MTR: variants seen among roughly 807,000 people sequenced by gnomAD.
The protein encoded by MTR is 5-methyltetrahydrofolate-homocysteine methyltransferase.
A neutral mutation model predicts 154.8 loss-of-function variants in MTR; 84 were observed. The ratio of observed to expected loss-of-function variants is 0.54; its 90% CI spans 0.45 to 0.65. The LOEUF is 0.65. Among genes scored for constraint, MTR ranks in the 30% least tolerant of loss-of-function variants. The pLI is 0.00. For missense variants in MTR, 1,275 were observed against 1,570.2 expected (o/e 0.81, Z 3.18); for synonymous variants, 554 against 553.9 (o/e 1.00, Z 0.00).
Position 236,902,523 on chromosome 1 carries a change from G to A in MTR, c.*4879G>A, listed in dbSNP as rs1436866585. 6.6e-6 allele frequency: 1 copy of A among 152,250 alleles called. No individual in the cohort carries two copies. The highest frequency in any genetic ancestry group is 2.4e-5 in the African/African-American group (1 of 41,444). 9.4% of individuals were successfully genotyped at this position (152,250 alleles called of 1,614,324 possible). A position where few individuals can be genotyped will look rare whatever the true frequency, so the allele number is the denominator to read the frequency against. On this transcript the variant is annotated 3_prime_UTR_variant, in exon 33 of 33. Coordinates refer to ENST00000366577, the MANE Select transcript of MTR (RefSeq NM_000254.3). ...CTCAGTAAAGGTTGTCTTGAATTGA[G>A]CAGATCCTCTAGGGACAGGAGTTGG...
Position 236,804,565 on chromosome 1 carries a change from A to G in MTR, c.249+923A>G, listed in dbSNP as rs762023739. On this transcript the variant is annotated intron_variant, in intron 2 of 32. Transcript: ENST00000366577. The stretch of plus-strand genomic sequence containing the variant: ...TCTGGAACATGGTTTTAATAACTTC[A>G]TAATCTATTCCATGTATATATCATC... Among the ~76,000 whole-genome samples the G allele has an allele frequency of 4.9e-4, 74 of 152,228 alleles. 1 individual carries two copies. Among genetic ancestry groups the G allele is most frequent in the Non-Finnish European group, 2.1e-4 (14 of 68,032 alleles).
intron 18 of MTR, among the ~76,000 whole-genome samples, chr1:236,854,571 A>C (rs1664095632): frequency 6.6e-6 from 1 of 152,156 alleles, no homozygotes; most frequent in South Asian, 2.1e-4. Context: ...ACTGTCAAAG[A>C]GTTCTGTTGA....
chr1:236,897,586 T>G lies in MTR; in HGVS notation c.3740T>G (p.Ile1247Arg). The change falls in exon 33 of 33, where the codon ATA (isoleucine) becomes AGA (arginine). Residue 1247 changes from isoleucine (I) to arginine (R), a missense_variant. Physicochemically the swap from Ile to Arg is moderately conservative, Grantham distance 97. Coordinates refer to ENST00000366577, the MANE Select transcript of MTR (RefSeq NM_000254.3). ...GAGGATTATGCATTGAGGAAGAACATATCTGTGGCTGAGGTTGAGAAATGG... is the reference window on the plus strand; with the variant it reads ...GAGGATTATGCATTGAGGAAGAACAGATCTGTGGCTGAGGTTGAGAAATGG... ...QVEDYALRKN[I>R]SVAEVEKWLG... The G allele has an allele frequency of 6.2e-7, 1 of 1,614,092 alleles. No homozygotes were observed. The highest frequency in any genetic ancestry group is 1.1e-5 in the South Asian group (1 of 91,078).
chr1:236,878,040 T>C (rs1012458174), intron 24 of MTR, among the ~76,000 whole-genome samples: 4 of 152,252 alleles, frequency 2.6e-5, no homozygotes, highest in African/African-American at 9.6e-5. Context: ...TTTATTCTTA[T>C]TGGTTTGTAC....
intron 22 of MTR, among the ~76,000 whole-genome samples, chr1:236,869,713 G>A (rs1048753620): frequency 1.8e-5 from 1 of 56,088 alleles, no homozygotes; most frequent in Non-Finnish European, 3.3e-5. Context: ...TTGTGGTAGA[G>A]GTGAGAGGGA....
chr1:236,889,750 T>C (rs1666213599), intron 28 of MTR, among the ~76,000 whole-genome samples: 1 of 152,060 alleles, frequency 6.6e-6, no homozygotes, highest in Non-Finnish European at 1.5e-5. Flanking sequence ...TCGAACTGTT[T>C]TTGACGATTC....
At chr1:236,804,230 C>A (rs769234423) in intron 2 of MTR, among the ~76,000 whole-genome samples, 1 of 152,126 alleles carries the variant, frequency 6.6e-6, no homozygotes, top group Non-Finnish European at 1.5e-5. Context: ...ATGTTTGTGT[C>A]CCCATGAGAT....
chr1:236,824,276 T>G, intron 9 of MTR, 57 bp downstream of exon 9: 1 of 1,331,382 alleles, frequency 7.5e-7, no homozygotes, highest in Non-Finnish European at 1.1e-6. Flanking sequence ...AGACATGGCA[T>G]AGATGAGGTA....
intron 24 of MTR, among the ~76,000 whole-genome samples, chr1:236,878,924 A>T (rs1665577443): frequency 6.6e-6 from 1 of 152,216 alleles, no homozygotes; most frequent in Non-Finnish European, 1.5e-5. Flanking sequence ...CTTATGCCTG[A>T]ATGCCCATCT....
intron 15 of MTR, among the ~76,000 whole-genome samples, chr1:236,848,204 C>T (rs964832300): frequency 1.3e-5 from 2 of 151,142 alleles, no homozygotes; most frequent in East Asian, 1.9e-4. Context: ...ACCTGCTTGT[C>T]CCACAAGCAG....
At chr1:236,819,711 G>T (rs1158123769) in intron 8 of MTR, 2 of 711,596 alleles carry the variant, frequency 2.8e-6, no homozygotes, top group Non-Finnish European at 2.6e-6. Flanking sequence ...AACCCATTTA[G>T]GTGGCACCAA....
At chr1:236,895,625 G>T in intron 31 of MTR, 75 bp downstream of exon 31, 3 of 1,451,476 alleles carry the variant, frequency 2.1e-6, no homozygotes, top group African/African-American at 1.4e-5. Context: ...GGCACTTAGG[G>T]TTAAACATGT....
Position 236,812,761 on chromosome 1 carries a change from T to C in MTR, c.526T>C (p.Tyr176His), listed in dbSNP as rs1661377133. 5.6e-6 allele frequency: 9 copies of C among 1,614,114 alleles called. No individual in the cohort carries two copies. Among genetic ancestry groups the C allele is most frequent in the Non-Finnish European group, 5.9e-6 (7 of 1,179,980 alleles). The change falls in exon 6 of 33, where the codon TAC (tyrosine) becomes CAC (histidine). Residue 176 changes from tyrosine (Y) to histidine (H), a missense_variant. Tyr to His is a moderately conservative substitution (Grantham distance 83). Coordinates refer to ENST00000366577, the MANE Select transcript of MTR (RefSeq NM_000254.3). The part of the protein sequence containing the change: ...NITFDELVEA[Y>H]QEQAKGLLDG... ...AGCATTTGATGAGCTTGTTGAAGCA[T>C]ACCAAGAGCAGGCCAAAGGACTTCT...
At chr1:236,896,886 A>T (rs898490471) in intron 31 of MTR, 120 bp from the exon 32 acceptor site, 2 of 792,776 alleles carry the variant, frequency 2.5e-6, no homozygotes, top group African/African-American at 3.4e-5. Flanking sequence ...GTGTCTACCT[A>T]GAAGGCATGA....
chr1:236,821,869 T>A (rs536512706), intron 8 of MTR, among the ~76,000 whole-genome samples: 68 of 152,360 alleles, frequency 4.5e-4, no homozygotes, highest in African/African-American at 1.6e-3. Context: ...GTTGAATGTA[T>A]TTGTGTGGTT....
chr1:236,897,426 C>T, intron 32 of MTR, 132 bp from the exon 33 acceptor site: 2 of 898,802 alleles, frequency 2.2e-6, no homozygotes, highest in Non-Finnish European at 3.6e-6. Context: ...TATCTATCTC[C>T]ATTTAACTCT....
chr1:236,805,168 A>G (rs1352066602), intron 2 of MTR, among the ~76,000 whole-genome samples: 1 of 152,158 alleles, frequency 6.6e-6, no homozygotes, highest in Non-Finnish European at 1.5e-5. Flanking sequence ...AGTATTGGAA[A>G]ATCAAGGGGG....
chr1:236,878,983 T>A (rs1318431828), intron 24 of MTR, among the ~76,000 whole-genome samples: 2 of 152,242 alleles, frequency 1.3e-5, no homozygotes, highest in Admixed American at 6.5e-5. Flanking sequence ...TTGCTTCCGT[T>A]TACAAGTGGA....
rs1239616429 is a variant in MTR, at chr1:236,861,044, C to T, written c.2044-81C>T. 2.4e-6 allele frequency: 3 copies of T among 1,236,532 alleles called. No homozygotes were observed. The African/African-American group carries it at 4.7e-5, about 19-fold the overall frequency. 76.6% of individuals were successfully genotyped at this position (1,236,532 alleles called of 1,614,324 possible). A position where few individuals can be genotyped will look rare whatever the true frequency, so the allele number is the denominator to read the frequency against. The stretch of plus-strand genomic sequence containing the variant: ...GCTGTTAGGCATTTTCATGATGGCT[C>T]TGTGGAGGTAAGGCAGTTTTTTAGG... On this transcript the variant is annotated intron_variant, in intron 19 of 32. Coordinates refer to ENST00000366577, the MANE Select transcript of MTR (RefSeq NM_000254.3).
Sources: allele counts gnomAD v4.1 joint callset (sites outside exome capture counted in the v4.1 genomes callset), GRCh38; gene constraint gnomAD v4.1.1; transcripts MANE v1.5; gene names NCBI Gene and HGNC (gene_info 2026-07-23, HGNC 2026-07-21).